KIAA1217: variants seen among roughly 807,000 people sequenced by gnomAD.
KIAA1217 encodes the protein KIAA1217.
Under a neutral mutation model 163.9 loss-of-function variants are expected in KIAA1217, and 88 were observed. The observed-to-expected ratio is 0.54, with a 90% CI of 0.45 to 0.64. The LOEUF (loss-of-function observed/expected upper bound fraction) is 0.64, where lower values mean the gene tolerates loss of function less well. KIAA1217 is among the 30% of genes least tolerant of loss of function. The pLI is 0.00. For missense variants in KIAA1217, 2,372 were observed against 2,475.0 expected (o/e 0.96, Z 0.88); for synonymous variants, 903 against 923.1 (o/e 0.98, Z 0.39).
At chr10:24,319,679 C>T (rs186055954) in intron 2 of KIAA1217, among the ~76,000 whole-genome samples, 262 of 152,316 alleles carry the variant, frequency 1.7e-3, no homozygotes, top group African/African-American at 5.6e-3. Context: ...TGGCTCAAGC[C>T]TTGAAGACCA....
At chr10:24,198,583 G>GA (rs35790678) in intron 2 of KIAA1217, among the ~76,000 whole-genome samples, 6,237 of 114,826 alleles carry the variant, frequency 0.054, 452 homozygotes, top group African/African-American at 0.18. Context: ...CTCTTATCTC[G>GA]AAAAAAAAAA....
intron 1 of KIAA1217, among the ~76,000 whole-genome samples, chr10:23,926,491 G>A (rs1053365707): frequency 1.3e-5 from 2 of 152,120 alleles, no homozygotes; most frequent in Non-Finnish European, 2.9e-5. Context: ...TTGGGAGGGC[G>A]ACGTGAGTGG....
intron 2 of KIAA1217, among the ~76,000 whole-genome samples, chr10:24,372,704 T>A (rs2051846757): frequency 6.6e-6 from 1 of 152,176 alleles, no homozygotes; most frequent in African/African-American, 2.4e-5. Flanking sequence ...AGAAAACTAA[T>A]GCTCGCATTT....
intron 1 of KIAA1217, among the ~76,000 whole-genome samples, chr10:23,987,670 CTT>C (rs1002971006): frequency 3.6e-4 from 55 of 151,908 alleles, no homozygotes; most frequent in African/African-American, 1.3e-3. Context: ...AATCTACTCT[CTT>C]AGCAATTTTT....
At chr10:24,132,722 G>C (rs2063698771) in intron 2 of KIAA1217, among the ~76,000 whole-genome samples, 1 of 152,182 alleles carries the variant, frequency 6.6e-6, no homozygotes, top group Non-Finnish European at 1.5e-5. Context: ...TCAGCATAAA[G>C]AGGATATATG....
chr10:24,220,754 CTTTTTTTTTTTTT>C (rs58991505), intron 2 of KIAA1217, among the ~76,000 whole-genome samples: 2 of 74,220 alleles, frequency 2.7e-5, no homozygotes, highest in African/African-American at 1.2e-4. Flanking sequence ...GCACCCCGGC[CTTTTTTTTTTTTT>C]TTTTTTTTTT....
At chr10:24,167,497 G>A (rs1378413149) in intron 2 of KIAA1217, among the ~76,000 whole-genome samples, 1 of 152,050 alleles carries the variant, frequency 6.6e-6, no homozygotes, top group Non-Finnish European at 1.5e-5. Flanking sequence ...AGCCCAAGAT[G>A]TAAAGGCCTC....
intron 1 of KIAA1217, among the ~76,000 whole-genome samples, chr10:23,950,228 C>A (rs1446141901): frequency 6.6e-6 from 1 of 152,092 alleles, no homozygotes; most frequent in African/African-American, 2.4e-5. Flanking sequence ...ATTTCTTCCC[C>A]ATAAGATTAC....
chr10:23,782,720 C>T (rs1345117279), intron 1 of KIAA1217, among the ~76,000 whole-genome samples: 2 of 152,120 alleles, frequency 1.3e-5, no homozygotes, highest in Non-Finnish European at 2.9e-5. Flanking sequence ...TTAGACCTAA[C>T]AATTATTTTT....
At chr10:24,215,695 G>A (rs930423594) in intron 1 of KIAA1217, among the ~76,000 whole-genome samples, 1 of 152,206 alleles carries the variant, frequency 6.6e-6, no homozygotes, top group African/African-American at 2.4e-5. Flanking sequence ...CCCCAGGTGT[G>A]GGGCTTGACG....
intron 3 of KIAA1217, among the ~76,000 whole-genome samples, chr10:24,417,196 GA>G (rs1343981845): frequency 1.3e-5 from 2 of 151,884 alleles, no homozygotes; most frequent in Non-Finnish European, 2.9e-5. Context: ...ACCCTCTGGG[GA>G]AAAAAATCTG....
intron 16 of KIAA1217, among the ~76,000 whole-genome samples, chr10:24,535,319 A>G (rs2073844444): frequency 6.6e-6 from 1 of 152,226 alleles, no homozygotes; most frequent in Non-Finnish European, 1.5e-5. Context: ...AGAAAAGGCC[A>G]GAGAAAGTCC....
chr10:23,805,054 G>A (rs1252847945), intron 1 of KIAA1217, among the ~76,000 whole-genome samples: 2 of 152,026 alleles, frequency 1.3e-5, no homozygotes, highest in Non-Finnish European at 2.9e-5. Context: ...ATTGTTGGTG[G>A]GAGTATAAAT....
chr10:24,330,648 C>T (rs2133537763), intron 2 of KIAA1217, among the ~76,000 whole-genome samples: 1 of 152,244 alleles, frequency 6.6e-6, no homozygotes, highest in East Asian at 1.9e-4. Context: ...CAGGGTCTAG[C>T]TCTGTCACCC....
intron 1 of KIAA1217, among the ~76,000 whole-genome samples, chr10:23,856,560 A>T (rs1839678772): frequency 2.6e-5 from 4 of 152,224 alleles, no homozygotes; most frequent in Admixed American, 2.6e-4. Context: ...GGGACATTTA[A>T]GTCTGCAGAG....
At chr10:23,720,703 A>G (rs887370850) in intron 1 of KIAA1217, among the ~76,000 whole-genome samples, 1 of 152,184 alleles carries the variant, frequency 6.6e-6, no homozygotes, top group Admixed American at 6.5e-5. Flanking sequence ...TCAATTTATA[A>G]TTAGTTAAAT....
intron 1 of KIAA1217, among the ~76,000 whole-genome samples, chr10:23,864,333 G>A (rs1448854835): frequency 3.3e-5 from 5 of 152,040 alleles, no homozygotes; most frequent in Non-Finnish European, 7.3e-5. Context: ...CACAGGACAA[G>A]TTAATGTTCC....
At chr10:23,960,898 A>G (rs1255339292) in intron 1 of KIAA1217, among the ~76,000 whole-genome samples, 3 of 152,232 alleles carry the variant, frequency 2.0e-5, no homozygotes, top group Non-Finnish European at 4.4e-5. Flanking sequence ...AAACATAAAT[A>G]CTTAAAAGAG....
intron 2 of KIAA1217, among the ~76,000 whole-genome samples, chr10:24,223,834 A>C (rs1245894501): frequency 3.8e-5 from 5 of 132,462 alleles, no homozygotes; most frequent in Non-Finnish European, 3.2e-5. Flanking sequence ...CCACCCCAGC[A>C]CCCACCACCC....
Sources: gnomAD v4.1 joint callset for allele counts (sites outside exome capture counted in the v4.1 genomes callset) on GRCh38, gnomAD v4.1.1 for gene constraint, MANE v1.5 for transcripts, NCBI Gene and HGNC (gene_info 2026-07-23, HGNC 2026-07-21) for gene names.